NSD1: variants seen among roughly 807,000 people sequenced by gnomAD.
NSD1 encodes the protein nuclear receptor binding SET domain protein 1.
Under a neutral mutation model 242.7 loss-of-function variants are expected in NSD1, and 26 were observed. The ratio of observed to expected loss-of-function variants is 0.11; its 90% CI spans 0.08 to 0.15. The LOEUF is 0.15. Ranked by LOEUF, NSD1 falls within the 10% of genes least tolerant of loss-of-function variation. NSD1 has a pLI of 1.00. For synonymous variants in NSD1, 1,106 were observed against 1,178.1 expected (o/e 0.94, Z 1.25); for missense variants, 2,495 against 3,272.8 (o/e 0.76, Z 5.80).
intron 12 of NSD1, among the ~76,000 whole-genome samples, chr5:177,253,620 C>G (rs1408545590): frequency 6.6e-6 from 1 of 151,804 alleles, no homozygotes; most frequent in South Asian, 2.1e-4. Context: ...CTGCCCCTTC[C>G]CTCCCCCTCC....
chr5:177,137,009 G>C (rs1756395497), intron 2 of NSD1: 5 of 576,570 alleles, frequency 8.7e-6, no homozygotes, highest in South Asian at 2.1e-5. Context: ...TATTCCGTGT[G>C]TATAGAAATG....
chr5:177,285,555 T>G (rs1316424830), intron 20 of NSD1, among the ~76,000 whole-genome samples: 4 of 108,672 alleles, frequency 3.7e-5, no homozygotes, highest in African/African-American at 1.2e-4. Context: ...CAGAGGGAGA[T>G]TCCATCTCAA....
intron 18 of NSD1, among the ~76,000 whole-genome samples, chr5:177,281,691 C>T (rs1159147811): frequency 1.3e-5 from 2 of 152,062 alleles, no homozygotes; most frequent in African/African-American, 2.4e-5. Flanking sequence ...CTCACTCTGT[C>T]GCCCAAACTG....
chr5:177,283,700 C>T (rs1402566365), intron 19 of NSD1, 87 bp from the exon 20 acceptor site: 1 of 1,465,320 alleles, frequency 6.8e-7, no homozygotes, highest in African/African-American at 1.4e-5. Flanking sequence ...CAAATAGAAA[C>T]TCCAACTTAT....
chr5:177,263,748 A>G (rs949377229), intron 14 of NSD1, among the ~76,000 whole-genome samples: 2 of 152,208 alleles, frequency 1.3e-5, no homozygotes, highest in South Asian at 4.1e-4. Flanking sequence ...AGAGTTACTG[A>G]TAAACTATGG....
Position 177,238,379 on chromosome 5 carries a change from C to T in NSD1, c.4064C>T (p.Pro1355Leu). 5 of 1,614,030 alleles carry T rather than the reference C, an allele frequency of 3.1e-6. No homozygotes were observed. Among genetic ancestry groups the T allele is most frequent in the Non-Finnish European group, 4.2e-6 (5 of 1,179,962 alleles). Residue 1355 changes from proline (P) to leucine (L), a missense_variant, in exon 7 of 23, where the codon CCC becomes CTC. Around this residue, in one of 19 missense-constraint regions of NSD1, gnomAD observed 100 missense variants for 190.7 expected, o/e 0.52. Coordinates refer to ENST00000439151, the MANE Select transcript of NSD1 (RefSeq NM_022455.5). The surrounding 1 kb of genome is among the most constrained non-coding windows in gnomAD (Gnocchi z 4.6). ...LEREAPFLEGPLAQSELGGGH... is the reference protein window; with the variant it reads ...LEREAPFLEGLLAQSELGGGH... ...AGGGAGGCTCCGTTTTTGGAGGGCC[C>T]CTTGGCTCAGTCAGAACTTGGAGGT...
chr5:177,192,154 G>A, intron 3 of NSD1, 135 bp downstream of exon 3: 1 of 792,956 alleles, frequency 1.3e-6, no homozygotes. Context: ...TTTATCTTTT[G>A]GGGCTTTTAA....
At chr5:177,164,074 G>A (rs777203888) in intron 2 of NSD1, among the ~76,000 whole-genome samples, 14 of 151,422 alleles carry the variant, frequency 9.2e-5, no homozygotes, top group Non-Finnish European at 2.1e-4. Flanking sequence ...TAAAAATTTG[G>A]CCTAAAAACA....
chr5:177,249,696 C>T (rs529895352), intron 11 of NSD1, among the ~76,000 whole-genome samples: 3 of 152,066 alleles, frequency 2.0e-5, no homozygotes, highest in Non-Finnish European at 4.4e-5. Context: ...ACCGTGTTGG[C>T]GAGGATGGTC....
intron 2 of NSD1, chr5:177,136,314 G>T (rs918052104): frequency 1.8e-5 from 6 of 340,772 alleles, no homozygotes; most frequent in Non-Finnish European, 2.7e-5. Flanking sequence ...CAAGTTGGAG[G>T]TATACATATA....
chr5:177,294,944 C>A lies in NSD1; in HGVS notation c.7576C>A (p.Pro2526Thr), dbSNP rs373932824. Residue 2526 changes from proline (P) to threonine (T), a missense_variant, in exon 23 of 23, where the codon CCC (proline) becomes ACC (threonine). Physicochemically the swap from Pro to Thr is conservative, Grantham distance 38. This residue lies in a region of NSD1 where 475 missense variants were observed against 563.7 expected (regional missense o/e 0.84). Transcript: ENST00000439151. ...GAAAGCAGCAGCCCCTTCAGAGGAC[C>A]CCTGGCAAGCTGTTAAATCACTCAC... The part of the protein sequence containing the change: ...SGKAAAPSED[P>T]WQAVKSLTQA... 3 of 1,614,080 alleles carry A rather than the reference C, an allele frequency of 1.9e-6. No individual in the cohort carries two copies. The highest frequency in any genetic ancestry group is 1.3e-5 in the African/African-American group (1 of 74,938).
chr5:177,162,070 G>T (rs1437263642), intron 2 of NSD1, among the ~76,000 whole-genome samples: 1 of 151,852 alleles, frequency 6.6e-6, no homozygotes, highest in Non-Finnish European at 1.5e-5. Flanking sequence ...GGCTGAGGTG[G>T]GCAGATCACC....
intron 5 of NSD1, among the ~76,000 whole-genome samples, chr5:177,219,906 G>A (rs1485395716): frequency 6.6e-6 from 1 of 152,026 alleles, no homozygotes; most frequent in Non-Finnish European, 1.5e-5. Context: ...ATGTTGCAGC[G>A]AGCTGAGATC....
At chr5:177,142,076 C>A (rs932557543) in intron 2 of NSD1, among the ~76,000 whole-genome samples, 2 of 152,190 alleles carry the variant, frequency 1.3e-5, no homozygotes, top group Admixed American at 6.5e-5. Context: ...TCAAGTGATA[C>A]GCCTGCCTCT....
chr5:177,201,450 T>C (rs1488683652), intron 3 of NSD1, among the ~76,000 whole-genome samples: 1 of 152,206 alleles, frequency 6.6e-6, no homozygotes, highest in Admixed American at 6.5e-5. Flanking sequence ...GTTTCCCTTT[T>C]CTTCTAGTTT....
At chr5:177,290,099 A>G (rs893150917) in intron 21 of NSD1, among the ~76,000 whole-genome samples, 1 of 151,484 alleles carries the variant, frequency 6.6e-6, no homozygotes, top group Non-Finnish European at 1.5e-5. Flanking sequence ...AAGTGCTGGG[A>G]TTACAGGCGT....
chr5:177,208,427 C>G (rs1260323326), intron 4 of NSD1, among the ~76,000 whole-genome samples: 2 of 152,096 alleles, frequency 1.3e-5, no homozygotes, highest in Non-Finnish European at 2.9e-5. Flanking sequence ...GGAGGTAGAT[C>G]AAACCTGCTG....
At chr5:177,185,425 C>G (rs1761023461) in intron 2 of NSD1, among the ~76,000 whole-genome samples, 1 of 151,508 alleles carries the variant, frequency 6.6e-6, no homozygotes. Context: ...TGGTGAAACC[C>G]TGTCTCTCCT....
intron 13 of NSD1, among the ~76,000 whole-genome samples, 190 bp from the exon 14 acceptor site, chr5:177,259,799 G>T (rs187502458): frequency 6.6e-6 from 1 of 152,162 alleles, no homozygotes; most frequent in Admixed American, 6.5e-5. Flanking sequence ...ATTCCTTTTG[G>T]AGACTTATCA....
Sources: allele counts gnomAD v4.1 joint callset (sites outside exome capture counted in the v4.1 genomes callset), GRCh38; gene constraint gnomAD v4.1.1; regional missense constraint gnomAD v4.1.1; non-coding constraint Gnocchi (gnomAD v3.1); transcripts MANE v1.5; gene names NCBI Gene and HGNC (gene_info 2026-07-23, HGNC 2026-07-21).